Variants in COL11A1 observed in about 807,000 individuals in gnomAD.
COL11A1 encodes collagen type XI alpha 1 chain, also known as collagen alpha-1(XI) chain.
Under a neutral mutation model 265.2 loss-of-function variants are expected in COL11A1, and 74 were observed. The ratio of observed to expected loss-of-function variants is 0.28; its 90% CI spans 0.23 to 0.34. The LOEUF (loss-of-function observed/expected upper bound fraction) is 0.34, where lower values mean the gene tolerates loss of function less well. Ranked by LOEUF, COL11A1 falls within the 10% of genes least tolerant of loss-of-function variation. COL11A1 has a pLI of 1.00. For missense variants in COL11A1, 2,165 were observed against 2,263.6 expected, an observed-to-expected ratio of 0.96 and a Z score of 0.88; for synonymous variants, 816 against 727.6, an observed-to-expected ratio of 1.12 and a Z score of -1.96.
rs765524665 is a variant in COL11A1 at position 102,912,113 on chromosome 1, G to A, written c.4086+46C>T. 22 of 1,443,408 alleles carry A rather than the reference G, an allele frequency of 1.5e-5. No individual in the cohort carries two copies. In the South Asian group the frequency reaches 2.6e-4, roughly 17 times the overall value. 89.4% of individuals were successfully genotyped at this position (1,443,408 alleles called of 1,614,324 possible). A position where few individuals can be genotyped will look rare whatever the true frequency, so the allele number is the denominator to read the frequency against. On this transcript the variant is annotated intron_variant, in intron 54 of 66. Coordinates refer to ENST00000370096, the MANE Select transcript of COL11A1 (RefSeq NM_001854.4). Reference sequence around the variant, plus strand: ...CACACATTATATAAATTTATCCATGGTGACTAATGAGCATATGTTTCAAAT... The same window carrying A: ...CACACATTATATAAATTTATCCATGATGACTAATGAGCATATGTTTCAAAT...
intron 4 of COL11A1, among the ~76,000 whole-genome samples, chr1:103,062,817 C>T (rs1480380734): frequency 6.6e-6 from 1 of 151,798 alleles, no homozygotes; most frequent in Non-Finnish European, 1.5e-5. Context: ...AACTTTTCCA[C>T]AGATTACATA....
intron 32 of COL11A1, 37 bp from the exon 33 acceptor site, chr1:102,979,141 C>T (rs1207245967): frequency 1.9e-6 from 3 of 1,593,684 alleles, no homozygotes; most frequent in Non-Finnish European, 2.6e-6. Flanking sequence ...TGCAGTATAT[C>T]ACAGTAAATT....
intron 11 of COL11A1, among the ~76,000 whole-genome samples, chr1:103,016,086 G>C (rs1354627987): frequency 6.6e-6 from 1 of 151,944 alleles, no homozygotes; most frequent in Admixed American, 6.6e-5. Context: ...CTTACAGTTA[G>C]ATAAAAACAG....
At chr1:102,928,503 T>C (rs1656925782) in intron 46 of COL11A1, among the ~76,000 whole-genome samples, 1 of 152,204 alleles carries the variant, frequency 6.6e-6, no homozygotes, top group South Asian at 2.1e-4. Flanking sequence ...TCTATCATTG[T>C]TGGACATTTG....
intron 54 of COL11A1, among the ~76,000 whole-genome samples, chr1:102,900,168 A>C (rs770533052): frequency 6.6e-6 from 1 of 152,142 alleles, no homozygotes; most frequent in Non-Finnish European, 1.5e-5. Context: ...TATCATTCCT[A>C]TAACTATCTA....
At chr1:102,920,152 TTTTAAC>T (rs1229530882) in intron 49 of COL11A1, among the ~76,000 whole-genome samples, 153 bp downstream of exon 49, 2 of 151,628 alleles carry the variant, frequency 1.3e-5, no homozygotes, top group Non-Finnish European at 3.0e-5. Context: ...TGCAAAATCA[TTTTAAC>T]TTTAATTTTT....
intron 5 of COL11A1, 87 bp downstream of exon 5, chr1:103,031,029 G>T: frequency 2.1e-6 from 3 of 1,429,568 alleles, no homozygotes; most frequent in Non-Finnish European, 2.9e-6. Context: ...TAATTAAAAT[G>T]GAATAAATAA....
At chr1:102,914,445 A>C (rs1434537991) in intron 51 of COL11A1, 40 bp from the exon 52 acceptor site, 1 of 1,517,568 alleles carries the variant, frequency 6.6e-7, no homozygotes, top group African/African-American at 1.4e-5. Flanking sequence ...TAAATGAAAA[A>C]TAAATTTTTA....
chr1:103,043,551 C>T (rs886335119), intron 4 of COL11A1, among the ~76,000 whole-genome samples: 2 of 152,046 alleles, frequency 1.3e-5, no homozygotes, highest in Non-Finnish European at 2.9e-5. Flanking sequence ...AATGGATCTC[C>T]TGGCCAATAA....
intron 54 of COL11A1, among the ~76,000 whole-genome samples, chr1:102,904,763 T>C (rs1483985988): frequency 6.6e-6 from 1 of 152,012 alleles, no homozygotes; most frequent in Non-Finnish European, 1.5e-5. Context: ...AGGAACACTT[T>C]TACACTGTTG....
At chr1:103,003,813 C>A (rs1025716871) in intron 20 of COL11A1, among the ~76,000 whole-genome samples, 9 of 151,994 alleles carry the variant, frequency 5.9e-5, no homozygotes, top group African/African-American at 2.2e-4. Context: ...TTCTTTTTCC[C>A]CCTCCTGCAC....
chr1:103,001,785 C>T (rs1665129479), intron 24 of COL11A1, 140 bp downstream of exon 24: 1 of 741,948 alleles, frequency 1.3e-6, no homozygotes, highest in Non-Finnish European at 2.4e-6. Flanking sequence ...ACTATATTTC[C>T]ATGTCGACTC....
In COL11A1 at chr1:102,958,579, T is replaced by G. The variant is rs937473402; in HGVS notation, c.3168+3287A>C. On this transcript the variant is annotated intron_variant, in intron 41 of 66. Coordinates refer to ENST00000370096, the MANE Select transcript of COL11A1 (RefSeq NM_001854.4). Reference sequence around the variant, plus strand: ...ATCATCATGCACCGCTTCACTAGATTCTGCAGCAATTAAAACAATAGTGTT... The same window carrying G: ...ATCATCATGCACCGCTTCACTAGATGCTGCAGCAATTAAAACAATAGTGTT... 1.4e-4 allele frequency among the ~76,000 whole-genome samples: 21 copies of G among 152,280 alleles called. 1 individual carries two copies. Among genetic ancestry groups the G allele is most frequent in the African/African-American group, 5.1e-4 (21 of 41,570 alleles).
rs76992260 is a variant in COL11A1 at position 103,083,248 on chromosome 1, C to CTGTG, written c.107-280_107-277dup. On this transcript the variant is annotated intron_variant, in intron 1 of 66. Transcript: ENST00000370096. Reference sequence around the variant, plus strand: ...TCTGTGTGTGTGTGTGTGTCTGTGTCTGTGTGTGTGTGTGTGTGCGTGTGT... The same window carrying CTGTG: ...TCTGTGTGTGTGTGTGTGTCTGTGTCTGTGTGTGTGTGTGTGTGTGTGCGTGTGT... 0.17 allele frequency among the ~76,000 whole-genome samples: 24,384 copies of CTGTG among 147,738 alleles called. 2,324 individuals carry two copies. The highest frequency in any genetic ancestry group is 0.26 in the African/African-American group (10,504 of 39,840).
intron 7 of COL11A1, among the ~76,000 whole-genome samples, chr1:103,023,742 C>A (rs1667292443): frequency 6.6e-6 from 1 of 151,980 alleles, no homozygotes; most frequent in Non-Finnish European, 1.5e-5. Context: ...TGAGTCTCAT[C>A]CCATAAATAA....
In COL11A1 at chr1:102,979,089, G is replaced by C; in HGVS notation, c.2626C>G (p.Pro876Ala). Residue 876 changes from proline to alanine, a missense_variant, in exon 33 of 67, where the codon CCA becomes GCA. Coordinates refer to ENST00000370096, the MANE Select transcript of COL11A1 (RefSeq NM_001854.4). ...GGACCACGCTGACCCCGAGGGCCTG[G>C]TTTGCCAGCTACTCCCTAGCAAAGA... is the stretch of plus-strand genomic sequence containing the variant. ...EKGARGVAGK[P>A]GPRGQRGPTG... 14 of 1,614,092 alleles carry C rather than the reference G, an allele frequency of 8.7e-6. No homozygotes were observed. Among genetic ancestry groups the C allele is most frequent in the Non-Finnish European group, 1.2e-5 (14 of 1,179,986 alleles).
chr1:103,001,118 G>C (rs1311016981), intron 24 of COL11A1: 2 of 396,850 alleles, frequency 5.0e-6, no homozygotes, highest in Non-Finnish European at 8.9e-6. Context: ...CTAGGTCTGA[G>C]GGGGTGGAAA....
chr1:102,962,701 A>G lies in COL11A1; in HGVS notation c.2976T>C (p.Pro992=), dbSNP rs368868551. 114 of 1,614,136 alleles carry G rather than the reference A, an allele frequency of 7.1e-5. No individual in the cohort carries two copies. The South Asian group carries it at 1.1e-3, about 16-fold the overall frequency. The change falls in exon 39 of 67, where the codon CCT becomes CCC. Residue 992 remains proline (P), a synonymous_variant. Coordinates refer to ENST00000370096, the MANE Select transcript of COL11A1 (RefSeq NM_001854.4). ...CACCAGGAAGACCTTGCTCACCAGG[A>G]GGGCCAGGAGGGCCAGGATGCCCAC... ...GERGHPGPPG[P]PGEQGLPGAA...
intron 59 of COL11A1, 57 bp from the exon 60 acceptor site, chr1:102,888,976 T>C (rs965309300): frequency 5.4e-6 from 8 of 1,473,748 alleles, no homozygotes; most frequent in Non-Finnish European, 7.6e-6. Context: ...ATTTTCATGT[T>C]TTCATAACTT....
Sources: gnomAD v4.1 joint callset for allele counts (sites outside exome capture counted in the v4.1 genomes callset) on GRCh38, gnomAD v4.1.1 for gene constraint, MANE v1.5 for transcripts, NCBI Gene and HGNC (gene_info 2026-07-23, HGNC 2026-07-21) for gene names.